The following VPS13B variants were observed in gnomAD, a reference collection of about 807,000 sequenced individuals.
The protein encoded by VPS13B is vacuolar protein sorting 13 homolog B.
In VPS13B, 285 loss-of-function variants were observed where a neutral mutation model predicts 426.4. The observed-to-expected ratio is 0.67, with a 90% CI of 0.61 to 0.74. VPS13B has a LOEUF of 0.74. Among genes scored for constraint, VPS13B ranks in the 30% least tolerant of loss-of-function variants. The probability of loss-of-function intolerance (pLI) is 0.00; values close to 1 mark genes in which losing one functional copy is unlikely to be tolerated. For synonymous variants in VPS13B, 1,676 were observed against 1,676.4 expected (o/e 1.00, Z 0.01); for missense variants, 4,537 against 4,782.6 (o/e 0.95, Z 1.51).
intron 3 of VPS13B, among the ~76,000 whole-genome samples, chr8:99,086,095 C>G (rs559416697): frequency 6.6e-6 from 1 of 152,312 alleles, no homozygotes; most frequent in African/African-American, 2.4e-5. Context: ...TTCAGATACA[C>G]CAGTGAGACA....
intron 55 of VPS13B, among the ~76,000 whole-genome samples, chr8:99,852,782 G>A (rs1816357868): frequency 6.6e-6 from 1 of 152,114 alleles, no homozygotes; most frequent in African/African-American, 2.4e-5. Flanking sequence ...AAAAATGAGT[G>A]GTAGCTAAGG....
intron 16 of VPS13B, among the ~76,000 whole-genome samples, chr8:99,189,244 C>A (rs537651581): frequency 1.3e-5 from 2 of 152,196 alleles, no homozygotes; most frequent in Middle Eastern, 3.2e-3. Context: ...CCACCGCGCC[C>A]GGCCAAAGTT....
intron 17 of VPS13B, among the ~76,000 whole-genome samples, chr8:99,198,923 T>G (rs79609975): frequency 0.022 from 3,275 of 152,230 alleles, 124 homozygotes; most frequent in African/African-American, 0.075. Flanking sequence ...AATAGTTCTA[T>G]CTAAAGATCC....
chr8:99,809,915 G>A (rs1467890469), intron 44 of VPS13B, among the ~76,000 whole-genome samples: 1 of 152,154 alleles, frequency 6.6e-6, no homozygotes, highest in Non-Finnish European at 1.5e-5. Flanking sequence ...ACCAAGAGTT[G>A]GTTCTCATGC....
At chr8:99,121,715 A>T in intron 8 of VPS13B, 1 of 741,598 alleles carries the variant, frequency 1.3e-6, no homozygotes, top group Non-Finnish European at 1.9e-6. Flanking sequence ...CAGTTGGTGT[A>T]CAAACATGCC....
intron 3 of VPS13B, among the ~76,000 whole-genome samples, chr8:99,051,288 T>C (rs556369289): frequency 5.3e-5 from 8 of 152,324 alleles, no homozygotes; most frequent in Admixed American, 2.6e-4. Context: ...AAATAGGGAA[T>C]CGTTTCCCCA....
At chr8:99,799,375 A>G (rs1172716673) in intron 43 of VPS13B, among the ~76,000 whole-genome samples, 1 of 152,210 alleles carries the variant, frequency 6.6e-6, no homozygotes, top group African/African-American at 2.4e-5. Context: ...CTTGGGGATA[A>G]AATGAGTTAG....
chr8:99,295,407 T>A (rs539993352), intron 19 of VPS13B, among the ~76,000 whole-genome samples: 29 of 152,336 alleles, frequency 1.9e-4, no homozygotes, highest in African/African-American at 5.8e-4. Context: ...GAAACTGTGT[T>A]CAAATAAAAG....
chr8:99,447,313 G>T (rs745374374), intron 23 of VPS13B, among the ~76,000 whole-genome samples: 15 of 152,120 alleles, frequency 9.9e-5, no homozygotes, highest in Non-Finnish European at 1.9e-4. Context: ...TGTGGTTGTG[G>T]GTTTTCCCCC....
intron 16 of VPS13B, among the ~76,000 whole-genome samples, chr8:99,176,142 G>GTT (rs562105422): frequency 1.0e-4 from 15 of 143,534 alleles, no homozygotes; most frequent in Non-Finnish European, 1.5e-4. Flanking sequence ...ATAAACTTTT[G>GTT]TTTTTTTTTT....
At chr8:99,359,416 AT>A (rs1812371676) in intron 19 of VPS13B, among the ~76,000 whole-genome samples, 1 of 152,110 alleles carries the variant, frequency 6.6e-6, no homozygotes, top group Non-Finnish European at 1.5e-5. Flanking sequence ...GGTTTATGTA[AT>A]TTCTAATAAA....
At chr8:99,618,878 GCT>G (rs1337427583) in intron 33 of VPS13B, among the ~76,000 whole-genome samples, 2 of 152,146 alleles carry the variant, frequency 1.3e-5, no homozygotes, top group African/African-American at 2.4e-5. Context: ...AAATGTCTCA[GCT>G]CTCTTAGCTC....
In VPS13B at chr8:99,555,123, C is replaced by T. The variant is rs1824486137; in HGVS notation, c.4746-1327C>T. 2.0e-5 allele frequency among the ~76,000 whole-genome samples: 3 copies of T among 152,088 alleles called. 1 individual carries two copies. The South Asian group carries it at 6.2e-4, about 31-fold the overall frequency. ...CTAGCTGAGCCACTTGCTTATTCCA[C>T]TCAGGTCTGCTCCTTGCTTCTCTCT... On this transcript the variant is annotated intron_variant, in intron 30 of 61. Coordinates refer to ENST00000357162, the MANE Select transcript of VPS13B (RefSeq NM_152564.5).
chr8:99,191,232 A>G (rs1301996028), intron 16 of VPS13B, among the ~76,000 whole-genome samples: 1 of 151,588 alleles, frequency 6.6e-6, no homozygotes, highest in Non-Finnish European at 1.5e-5. Context: ...TTTGATTATA[A>G]TATGCCTTGG....
At chr8:99,390,550 A>G (rs545357784) in intron 20 of VPS13B, among the ~76,000 whole-genome samples, 11 of 152,174 alleles carry the variant, frequency 7.2e-5, no homozygotes, top group African/African-American at 2.2e-4. Context: ...AATGTACATT[A>G]TATTGAGTAT....
chr8:99,161,999 G>T (rs868222655), intron 15 of VPS13B, among the ~76,000 whole-genome samples: 23 of 152,272 alleles, frequency 1.5e-4, no homozygotes, highest in Non-Finnish European at 2.8e-4. Context: ...CTCCCAAAGT[G>T]CTGGGATTAC....
intron 17 of VPS13B, among the ~76,000 whole-genome samples, chr8:99,231,118 G>A (rs1417505044): frequency 2.0e-5 from 3 of 152,192 alleles, no homozygotes; most frequent in Non-Finnish European, 4.4e-5. Context: ...CTGTCAATGA[G>A]TTAAAGTATA....
At chr8:99,716,568 T>C (rs1832930963) in intron 36 of VPS13B, among the ~76,000 whole-genome samples, 1 of 152,208 alleles carries the variant, frequency 6.6e-6, no homozygotes, top group Non-Finnish European at 1.5e-5. Flanking sequence ...CTTTTCTGGG[T>C]ATATTTACTT....
intron 19 of VPS13B, among the ~76,000 whole-genome samples, chr8:99,327,438 A>G (rs1321476874): frequency 6.6e-6 from 1 of 152,226 alleles, no homozygotes; most frequent in Non-Finnish European, 1.5e-5. Flanking sequence ...AAATACAAAA[A>G]TTTGCATCAG....
Sources: gnomAD v4.1 joint callset for allele counts (sites outside exome capture counted in the v4.1 genomes callset) on GRCh38, gnomAD v4.1.1 for gene constraint, MANE v1.5 for transcripts, NCBI Gene and HGNC (gene_info 2026-07-23, HGNC 2026-07-21) for gene names.